CSMD1: variants seen among roughly 807,000 people sequenced by gnomAD.
CSMD1 encodes CUB and Sushi multiple domains 1.
Under a neutral mutation model 417.5 loss-of-function variants are expected in CSMD1, and 213 were observed. The ratio of observed to expected loss-of-function variants is 0.51; its 90% confidence interval spans 0.46 to 0.57. CSMD1 has a LOEUF of 0.57. Ranked by LOEUF, CSMD1 falls within the 20% of genes least tolerant of loss-of-function variation. The pLI is 0.00. For missense variants in CSMD1, 6,923 were observed against 4,529.7 expected (o/e 1.53, Z -15.17); for synonymous variants, 2,862 against 1,736.8 (o/e 1.65, Z -16.11).
intron 11 of CSMD1, among the ~76,000 whole-genome samples, chr8:3,487,435 T>G (rs183671241): frequency 6.6e-6 from 1 of 152,056 alleles, no homozygotes; most frequent in Non-Finnish European, 1.5e-5. Flanking sequence ...TCTCCTGACC[T>G]CGTGATCTGC....
chr8:3,597,848 C>G (rs2117060302), intron 8 of CSMD1, among the ~76,000 whole-genome samples: 1 of 151,864 alleles, frequency 6.6e-6, no homozygotes, highest in East Asian at 1.9e-4. Context: ...GGGTTGGGGA[C>G]TAGGGGAGGG....
At chr8:4,066,878 T>A (rs962690109) in intron 3 of CSMD1, among the ~76,000 whole-genome samples, 3 of 152,200 alleles carry the variant, frequency 2.0e-5, no homozygotes, top group Non-Finnish European at 4.4e-5. Flanking sequence ...TAACACAGCC[T>A]CACAGAACAA....
intron 3 of CSMD1, among the ~76,000 whole-genome samples, chr8:4,358,330 G>A (rs183693188): frequency 6.6e-6 from 1 of 152,286 alleles, no homozygotes; most frequent in East Asian, 1.9e-4. Flanking sequence ...GCCTAGTTTT[G>A]TAAGGCCCAT....
chr8:4,564,809 T>C (rs948338749), intron 2 of CSMD1, among the ~76,000 whole-genome samples: 2 of 152,230 alleles, frequency 1.3e-5, no homozygotes, highest in Non-Finnish European at 2.9e-5. Flanking sequence ...TTAAAATATT[T>C]AGCTTTTTCA....
rs1802889889 is a variant in CSMD1 at position 4,637,437 on chromosome 8, C to T, written c.207G>A (p.Arg69=). The change falls in exon 2 of 70, where the codon AGG becomes AGA. Residue 69 remains arginine, a synonymous_variant. Transcript: ENST00000635120. ...TWIIITGERN[R]IQLSFHTFAL... is the part of the protein sequence containing the mutation. ...CAAAGGTATGGAAGGACAACTGTAT[C>T]CTATTGCGCTCGCCCGTGATGATGA... is the stretch of plus-strand genomic sequence containing the variant. The T allele has an allele frequency of 6.2e-7, 1 of 1,613,694 alleles. No homozygotes were observed. Among genetic ancestry groups the T allele is most frequent in the Admixed American group, 1.7e-5 (1 of 59,996 alleles).
At chr8:4,399,075 C>G (rs766283454) in intron 3 of CSMD1, among the ~76,000 whole-genome samples, 3 of 152,146 alleles carry the variant, frequency 2.0e-5, no homozygotes. Context: ...CATTCACTAG[C>G]TGGTGACTTT....
At chr8:4,197,631 C>A (rs1029527002) in intron 3 of CSMD1, among the ~76,000 whole-genome samples, 1 of 152,198 alleles carries the variant, frequency 6.6e-6, no homozygotes, top group Non-Finnish European at 1.5e-5. Context: ...GAAATCCCAG[C>A]ATTTTGGGAG....
At chr8:4,126,773 G>C (rs542908401) in intron 3 of CSMD1, among the ~76,000 whole-genome samples, 1 of 152,160 alleles carries the variant, frequency 6.6e-6, no homozygotes, top group South Asian at 2.1e-4. Context: ...TTTTCTCATA[G>C]AAACAGGCAA....
chr8:3,637,434 T>G (rs1797105748), intron 7 of CSMD1, among the ~76,000 whole-genome samples: 1 of 152,232 alleles, frequency 6.6e-6, no homozygotes, highest in African/African-American at 2.4e-5. Flanking sequence ...TATTTGAATC[T>G]ATTTTCTAAC....
rs368943662 is a variant in CSMD1, at chr8:3,469,754, G to C, written c.1449-930C>G. ...CTACATCCTCACCTTAGGCAGTACA[G>C]AGCACCGGATTCTTCAAAGGAAGAA... is the stretch of plus-strand genomic sequence containing the variant. On this transcript the variant is annotated intron_variant, in intron 11 of 69. Coordinates refer to ENST00000635120, the MANE Select transcript of CSMD1 (RefSeq NM_033225.6). Among the ~76,000 whole-genome samples, 133 of 152,274 alleles carry C rather than the reference G, an allele frequency of 8.7e-4. 1 individual carries two copies. In the South Asian group the frequency reaches 0.016, roughly 18 times the overall value.
chr8:4,810,956 G>C (rs1464267649), intron 1 of CSMD1, among the ~76,000 whole-genome samples: 1 of 152,144 alleles, frequency 6.6e-6, no homozygotes, highest in African/African-American at 2.4e-5. Context: ...AAATAGTGAT[G>C]ATATTAAAGA....
intron 30 of CSMD1, among the ~76,000 whole-genome samples, chr8:3,210,360 G>A (rs985680975): frequency 4.4e-5 from 2 of 45,548 alleles, no homozygotes; most frequent in Admixed American, 1.7e-4. Flanking sequence ...TCACTCCACA[G>A]ATCTTCAGAC....
At chr8:4,545,600 C>G (rs1386520468) in intron 2 of CSMD1, among the ~76,000 whole-genome samples, 1 of 152,042 alleles carries the variant, frequency 6.6e-6, no homozygotes, top group Non-Finnish European at 1.5e-5. Context: ...CAACAGAAGC[C>G]CTGGCTAGAG....
intron 3 of CSMD1, among the ~76,000 whole-genome samples, chr8:4,293,286 A>G (rs941814838): frequency 6.6e-6 from 1 of 152,184 alleles, no homozygotes; most frequent in Non-Finnish European, 1.5e-5. Context: ...GAAGCAGCAA[A>G]TGAAAATTGG....
intron 1 of CSMD1, among the ~76,000 whole-genome samples, chr8:4,969,976 A>C (rs886874393): frequency 6.6e-6 from 1 of 151,310 alleles, no homozygotes. Context: ...TTACATACGT[A>C]CCATGCCTTC....
intron 5 of CSMD1, among the ~76,000 whole-genome samples, chr8:3,823,523 TATAAAA>T (rs1257079429): frequency 1.3e-4 from 20 of 152,314 alleles, no homozygotes; most frequent in African/African-American, 4.6e-4. Flanking sequence ...AACATTTTGT[TATAAAA>T]ATAAAGTATA....
At chr8:3,294,042 A>C (rs1475129088) in intron 25 of CSMD1, among the ~76,000 whole-genome samples, 2 of 152,036 alleles carry the variant, frequency 1.3e-5, no homozygotes, top group Non-Finnish European at 2.9e-5. Context: ...TTTCCTTCTA[A>C]CAGTCAGGAC....
intron 1 of CSMD1, among the ~76,000 whole-genome samples, chr8:4,948,857 G>T (rs901488747): frequency 2.6e-5 from 4 of 152,000 alleles, no homozygotes; most frequent in African/African-American, 9.7e-5. Flanking sequence ...GTTATGGTGT[G>T]AATCTTTTCA....
intron 6 of CSMD1, among the ~76,000 whole-genome samples, chr8:3,713,263 A>C (rs35364266): frequency 0.33 from 50,054 of 152,012 alleles, 8,393 homozygotes; most frequent in East Asian, 0.49. Context: ...TATAATCTCT[A>C]AGTGGTTAGG....
Sources: gnomAD v4.1 joint callset for allele counts (sites outside exome capture counted in the v4.1 genomes callset) on GRCh38, gnomAD v4.1.1 for gene constraint, MANE v1.5 for transcripts, NCBI Gene and HGNC (gene_info 2026-07-23, HGNC 2026-07-21) for gene names.